Variants in ALG5 observed in about 807,000 individuals in gnomAD.
The protein encoded by ALG5 is dolichyl-phosphate beta-glucosyltransferase.
ALG5 carries 26 observed loss-of-function variants against 51.8 expected under a neutral mutation model. That is an observed-to-expected ratio of 0.50 (90% CI 0.37 to 0.70). The LOEUF (loss-of-function observed/expected upper bound fraction) is 0.70, where lower values mean the gene tolerates loss of function less well. Among genes scored for constraint, ALG5 ranks in the 30% least tolerant of loss-of-function variants. The pLI, the probability that ALG5 is intolerant of heterozygous loss-of-function variation, is 0.00. For missense variants in ALG5, 311 were observed against 399.3 expected (o/e 0.78, Z 1.88); for synonymous variants, 141 against 136.1 (o/e 1.04, Z -0.25).
intron 8 of ALG5, among the ~76,000 whole-genome samples, chr13:36,956,854 A>T (rs1156895361): frequency 1.3e-5 from 2 of 152,098 alleles, no homozygotes; most frequent in Non-Finnish European, 1.5e-5. Context: ...AAGCCAAAAA[A>T]GCCAAAAGAG....
At chr13:36,988,802 A>C (rs965580655) in intron 5 of ALG5, among the ~76,000 whole-genome samples, 1 of 152,212 alleles carries the variant, frequency 6.6e-6, no homozygotes, top group African/African-American at 2.4e-5. Flanking sequence ...AAACGGCAGA[A>C]GCCTGGACTT....
chr13:36,962,223 G>A (rs1353339893), intron 8 of ALG5, among the ~76,000 whole-genome samples: 1 of 152,128 alleles, frequency 6.6e-6, no homozygotes, highest in African/African-American at 2.4e-5. Context: ...AAATGTCAAA[G>A]GTGACATTTG....
chr13:36,995,453 A>T lies in ALG5; in HGVS notation c.210T>A (p.Val70=). 1 of 1,612,996 alleles carries T rather than the reference A, an allele frequency of 6.2e-7. No individual in the cohort carries two copies. The highest frequency in any genetic ancestry group is 8.5e-7 in the Non-Finnish European group (1 of 1,179,794). Residue 70 remains valine (V), a synonymous_variant, in exon 2 of 10, where the codon GTT becomes GTA. Coordinates refer to ENST00000239891, the MANE Select transcript of ALG5 (RefSeq NM_013338.5). ...GTTTTTCTTCATTGTATGAAGGCAC[A>T]ACGACAGAAAGTTGTTTGGTAGGTG... The part of the protein sequence containing the change: ...WDSPTKQLSV[V]VPSYNEEKRL...
intron 6 of ALG5, among the ~76,000 whole-genome samples, chr13:36,984,784 G>C (rs1278559909): frequency 6.6e-6 from 1 of 152,002 alleles, no homozygotes; most frequent in Non-Finnish European, 1.5e-5. Flanking sequence ...GGAGCTCTAC[G>C]TGGCTTTGTT....
intron 6 of ALG5, among the ~76,000 whole-genome samples, chr13:36,976,820 T>G (rs1406733948): frequency 6.6e-6 from 1 of 152,206 alleles, no homozygotes; most frequent in African/African-American, 2.4e-5. Context: ...CTTGTTTTTC[T>G]GGTAGAGGTA....
chr13:36,959,278 G>T (rs749230723), intron 8 of ALG5, among the ~76,000 whole-genome samples: 78 of 151,904 alleles, frequency 5.1e-4, no homozygotes, highest in Admixed American at 7.2e-4. Flanking sequence ...TTTTTTTGGA[G>T]ATCTATTATA....
At chr13:36,967,431 C>T (rs372074700) in intron 7 of ALG5, among the ~76,000 whole-genome samples, 43 of 151,886 alleles carry the variant, frequency 2.8e-4, no homozygotes, top group Non-Finnish European at 5.3e-4. Context: ...AAGAATATAG[C>T]GAAGTGTTTG....
chr13:36,963,132 C>G (rs985835004), intron 8 of ALG5, among the ~76,000 whole-genome samples: 1 of 151,926 alleles, frequency 6.6e-6, no homozygotes, highest in African/African-American at 2.4e-5. Context: ...ATTTTTTTTT[C>G]TGGAGACAGG....
chr13:36,965,574 C>G lies in ALG5; in HGVS notation c.773+1G>C, dbSNP rs137892122. On this transcript the variant is annotated splice_donor_variant, in intron 8 of 9. Coordinates refer to ENST00000239891, the MANE Select transcript of ALG5 (RefSeq NM_013338.5). LOFTEE classifies it high-confidence loss of function. ...TGGATACATTCCAGTCAGAAACCTA[C>G]CATCGTTCAACGTGTAGAGATGAAA... 3.1e-6 allele frequency: 5 copies of G among 1,612,724 alleles called. No individual in the cohort carries two copies. The highest frequency in any genetic ancestry group is 4.2e-6 in the Non-Finnish European group (5 of 1,179,470).
intron 4 of ALG5, among the ~76,000 whole-genome samples, chr13:36,992,693 T>C (rs1460814269): frequency 6.6e-6 from 1 of 152,192 alleles, no homozygotes; most frequent in Non-Finnish European, 1.5e-5. Context: ...AGTATTCTCT[T>C]GTACTATACC....
chr13:36,955,024 G>C (rs2058833574), intron 8 of ALG5, among the ~76,000 whole-genome samples: 5 of 152,210 alleles, frequency 3.3e-5, no homozygotes, highest in Admixed American at 2.0e-4. Flanking sequence ...AGGCATTGAA[G>C]GCCTCAACTG....
At chr13:36,958,707 C>A (rs923324369) in intron 8 of ALG5, among the ~76,000 whole-genome samples, 1 of 152,164 alleles carries the variant, frequency 6.6e-6, no homozygotes, top group African/African-American at 2.4e-5. Flanking sequence ...CTTAGCCTAG[C>A]TGGGAAAGGT....
intron 8 of ALG5, among the ~76,000 whole-genome samples, chr13:36,961,101 C>G (rs757475811): frequency 1.3e-4 from 20 of 151,836 alleles, no homozygotes; most frequent in Non-Finnish European, 1.3e-4. Flanking sequence ...CAGTAGAAAA[C>G]CACAATAAAA....
chr13:36,994,468 A>G (rs541428507), intron 3 of ALG5, among the ~76,000 whole-genome samples: 3 of 152,252 alleles, frequency 2.0e-5, no homozygotes, highest in Admixed American at 2.0e-4. Context: ...GAGACTCTTG[A>G]GAATATTGAA....
intron 6 of ALG5, among the ~76,000 whole-genome samples, chr13:36,976,734 C>G (rs551316150): frequency 1.5e-5 from 2 of 135,216 alleles, no homozygotes; most frequent in East Asian, 2.3e-4. Context: ...GGCAACAGAC[C>G]GAGACTCTGT....
intron 1 of ALG5, among the ~76,000 whole-genome samples, chr13:36,997,997 T>G (rs2059059319): frequency 6.6e-6 from 1 of 152,176 alleles, no homozygotes; most frequent in Admixed American, 6.5e-5. Flanking sequence ...TATGTCACAG[T>G]GTTAAAGATT....
chr13:36,993,760 G>C, intron 3 of ALG5, 88 bp from the exon 4 acceptor site: 2 of 1,028,518 alleles, frequency 1.9e-6, no homozygotes, highest in Non-Finnish European at 3.0e-6. Context: ...AAAAACAACT[G>C]CTTTAGTGTT....
intron 7 of ALG5, among the ~76,000 whole-genome samples, chr13:36,970,472 C>T (rs1317545396): frequency 6.6e-6 from 1 of 151,918 alleles, no homozygotes. Context: ...TGGTGGCGCA[C>T]GCCTGTAATC....
intron 8 of ALG5, among the ~76,000 whole-genome samples, chr13:36,956,286 A>G (rs1273624735): frequency 1.3e-5 from 2 of 152,212 alleles, no homozygotes; most frequent in Non-Finnish European, 2.9e-5. Context: ...AATGCAAATT[A>G]AAGCCCCTGT....
Sources: gnomAD v4.1 joint callset for allele counts (sites outside exome capture counted in the v4.1 genomes callset) on GRCh38, gnomAD v4.1.1 for gene constraint, MANE v1.5 for transcripts, NCBI Gene and HGNC (gene_info 2026-07-23, HGNC 2026-07-21) for gene names.